Variants in LIMS1 observed in about 807,000 individuals in gnomAD.
LIMS1 encodes the protein LIM zinc finger domain containing 1.
LIMS1 carries 18 observed loss-of-function variants against 44.1 expected under a neutral mutation model. The ratio of observed to expected loss-of-function variants is 0.41; its 90% CI spans 0.28 to 0.61. The LOEUF is 0.61. Among genes scored for constraint, LIMS1 ranks in the 20% least tolerant of loss-of-function variants. The pLI is 0.32. For synonymous variants in LIMS1, 93 were observed against 149.1 expected (o/e 0.62, Z 2.74); for missense variants, 201 against 422.0 (o/e 0.48, Z 4.59).
chr2:108,595,192 C>T (rs1042356776), intron 1 of LIMS1, among the ~76,000 whole-genome samples: 3 of 152,098 alleles, frequency 2.0e-5, no homozygotes, highest in African/African-American at 7.2e-5. Context: ...GATGCTGAAC[C>T]GTATTTGGGT....
At chr2:108,644,190 C>G (rs550065626) in intron 1 of LIMS1, among the ~76,000 whole-genome samples, 51 of 152,290 alleles carry the variant, frequency 3.3e-4, no homozygotes, top group African/African-American at 1.1e-3. Flanking sequence ...AAGTGGGTCC[C>G]TGACCCCCAT....
chr2:108,605,468 AC>A (rs1687221839), intron 1 of LIMS1, among the ~76,000 whole-genome samples: 1 of 152,114 alleles, frequency 6.6e-6, no homozygotes, highest in Non-Finnish European at 1.5e-5. Context: ...CACTCAAAAT[AC>A]CTAATTTTTT....
chr2:108,610,228 A>G (rs1687526774), intron 1 of LIMS1, among the ~76,000 whole-genome samples: 1 of 150,048 alleles, frequency 6.7e-6, no homozygotes, highest in South Asian at 2.1e-4. Context: ...TTATTTTCTA[A>G]AAATAGAGAT....
chr2:108,667,554 A>T (rs1691862632), intron 2 of LIMS1, among the ~76,000 whole-genome samples: 1 of 76,114 alleles, frequency 1.3e-5, no homozygotes, highest in Non-Finnish European at 3.7e-5. Flanking sequence ...AAAAAAAAAT[A>T]TATATATATA....
intron 1 of LIMS1, among the ~76,000 whole-genome samples, chr2:108,626,176 C>G (rs1340453775): frequency 2.0e-5 from 3 of 152,292 alleles, no homozygotes; most frequent in Non-Finnish European, 4.4e-5. Flanking sequence ...GTTTGCTGAT[C>G]ACTTTTTGGC....
chr2:108,660,335 T>A (rs1368072364), intron 2 of LIMS1: 1 of 466,374 alleles, frequency 2.1e-6, no homozygotes, highest in Non-Finnish European at 4.4e-6. Context: ...TCTAAATATT[T>A]GTTTTTCTTG....
chr2:108,562,701 G>C (rs1685163815), intron 1 of LIMS1, among the ~76,000 whole-genome samples: 1 of 152,224 alleles, frequency 6.6e-6, no homozygotes, highest in South Asian at 2.1e-4. Context: ...TGAAGCAGCA[G>C]GTGCTGATGT....
intron 9 of LIMS1, chr2:108,681,561 AATTG>A (rs1229144033): frequency 4.9e-5 from 47 of 957,828 alleles, no homozygotes; most frequent in Middle Eastern, 1.1e-3. Flanking sequence ...ACGATCATTT[AATTG>A]ATAAATTATA....
intron 1 of LIMS1, among the ~76,000 whole-genome samples, chr2:108,637,205 A>T (rs1689337570): frequency 6.7e-6 from 1 of 148,894 alleles, no homozygotes; most frequent in African/African-American, 2.5e-5. Context: ...AATGCAGTAA[A>T]ATCTACACAA....
intron 1 of LIMS1, among the ~76,000 whole-genome samples, chr2:108,644,352 C>G (rs565646009): frequency 6.6e-6 from 1 of 152,284 alleles, no homozygotes; most frequent in Admixed American, 6.5e-5. Context: ...CCCAGGCAAA[C>G]AGGGTCTGGA....
At chr2:108,673,472 A>C (rs539626513) in intron 5 of LIMS1, 1 of 214,348 alleles carries the variant, frequency 4.7e-6, no homozygotes, top group African/African-American at 2.4e-5. Context: ...CTGCAGCCTC[A>C]CCCTCCTGGG....
chr2:108,539,227 G>A (rs531303373), intron 1 of LIMS1, among the ~76,000 whole-genome samples: 39 of 152,248 alleles, frequency 2.6e-4, no homozygotes, highest in African/African-American at 8.4e-4. Context: ...GGGACAACAG[G>A]TACATGCCAC....
chr2:108,633,839 A>G (rs1689066848), intron 1 of LIMS1, among the ~76,000 whole-genome samples: 1 of 151,218 alleles, frequency 6.6e-6, no homozygotes. Context: ...AAGTAATTAA[A>G]TGATAAGAAA....
At position 108,680,583 on chromosome 2, in the gene LIMS1, C is replaced by G. The variant is rs557970264; in HGVS notation, c.824-112C>G. 5 of 1,437,458 alleles carry G rather than the reference C, an allele frequency of 3.5e-6. No individual in the cohort carries two copies. The South Asian group carries it at 6.2e-5, about 18-fold the overall frequency. The allele number at this position is 1,437,458 out of a possible 1,614,324, so 89.0% of individuals were successfully genotyped here. ...AAAAAAAGGTTCTTGAGAACCTCCA[C>G]CAAGTGCCACAGACACAGTCGTAGT... On this transcript the variant is annotated intron_variant, in intron 8 of 9. Transcript: ENST00000544547.
intron 2 of LIMS1, among the ~76,000 whole-genome samples, chr2:108,664,780 A>G (rs1691632826): frequency 6.6e-6 from 1 of 152,118 alleles, no homozygotes; most frequent in Non-Finnish European, 1.5e-5. Context: ...GGAATTAACA[A>G]TAGTTGTGAC....
At position 108,551,757 on chromosome 2, in the gene LIMS1, C is replaced by G. The variant is rs187701239; in HGVS notation, c.32+17163C>G. Among the ~76,000 whole-genome samples the G allele has an allele frequency of 4.6e-3, 651 of 141,656 alleles. 4 individuals carry two copies. The highest frequency in any genetic ancestry group is 0.014 in the South Asian group (65 of 4,586). 92.9% of individuals were successfully genotyped at this position (141,656 alleles called of 152,430 possible). The stretch of plus-strand genomic sequence containing the variant: ...TATGATATACAATATACATACATAC[C>G]TATGTATATTGTATATCATATACAA... On this transcript the variant is annotated intron_variant, in intron 1 of 9. Transcript: ENST00000544547.
intron 1 of LIMS1, among the ~76,000 whole-genome samples, chr2:108,552,648 T>C (rs1684798301): frequency 6.6e-6 from 1 of 151,080 alleles, no homozygotes; most frequent in Middle Eastern, 3.4e-3. Context: ...TCGGCCATAC[T>C]GCATGATCAC....
intron 1 of LIMS1, among the ~76,000 whole-genome samples, chr2:108,579,645 A>G (rs1685812411): frequency 6.6e-6 from 1 of 152,202 alleles, no homozygotes; most frequent in African/African-American, 2.4e-5. Context: ...CTGAATACTC[A>G]TTTGAAGTGT....
chr2:108,681,463 A>G, intron 9 of LIMS1: 4 of 974,610 alleles, frequency 4.1e-6, no homozygotes, highest in Non-Finnish European at 4.9e-6. Context: ...AAGAATTCTA[A>G]TCTCTTAATA....
Sources: allele counts gnomAD v4.1 joint callset (sites outside exome capture counted in the v4.1 genomes callset), GRCh38; gene constraint gnomAD v4.1.1; transcripts MANE v1.5; gene names NCBI Gene and HGNC (gene_info 2026-07-23, HGNC 2026-07-21).